Variants in AHCTF1 observed in about 807,000 individuals in gnomAD.
AHCTF1 encodes protein ELYS.
AHCTF1 carries 24 observed loss-of-function variants against 248.4 expected under a neutral mutation model. The ratio of observed to expected loss-of-function variants is 0.10; its 90% CI spans 0.07 to 0.14. The LOEUF (loss-of-function observed/expected upper bound fraction) is 0.14. Among genes scored for constraint, AHCTF1 ranks in the 10% least tolerant of loss-of-function variants. The pLI, the probability that AHCTF1 is intolerant of heterozygous loss-of-function variation, is 1.00. For missense variants in AHCTF1, 2,206 were observed against 2,636.2 expected, an observed-to-expected ratio of 0.84 and a Z score of 3.57; for synonymous variants, 786 against 929.8, an observed-to-expected ratio of 0.85 and a Z score of 2.81.
rs12126008 is a variant in AHCTF1 at position 246,927,794 on chromosome 1, A to G, written c.-8+3784T>C. 5.2e-3 allele frequency among the ~76,000 whole-genome samples: 786 copies of G among 152,186 alleles called. 2 individuals carry two copies. The highest frequency in any genetic ancestry group is 7.7e-3 in the Non-Finnish European group (527 of 68,010). On this transcript the variant is annotated intron_variant, in intron 1 of 35. Transcript: ENST00000648844. ...CCGAGGCTGGCGGATCACAAGGTCAAGAGACCCAGACCATCCTGGCCAACA... is the reference window on the plus strand; with the variant it reads ...CCGAGGCTGGCGGATCACAAGGTCAGGAGACCCAGACCATCCTGGCCAACA...
At chr1:246,859,149 T>C (rs1661333434) in intron 29 of AHCTF1, among the ~76,000 whole-genome samples, 1 of 152,348 alleles carries the variant, frequency 6.6e-6, no homozygotes. Flanking sequence ...TAATTAATAA[T>C]GCCCATGCTT....
At chr1:246,868,637 C>A (rs892136269) in intron 24 of AHCTF1, among the ~76,000 whole-genome samples, 1 of 147,728 alleles carries the variant, frequency 6.8e-6, no homozygotes, top group African/African-American at 2.5e-5. Flanking sequence ...AAAAGTTATT[C>A]TTTGTGTTTT....
At chr1:246,880,947 G>A (rs1663356379) in intron 21 of AHCTF1, among the ~76,000 whole-genome samples, 2 of 152,152 alleles carry the variant, frequency 1.3e-5, no homozygotes, top group South Asian at 4.1e-4. Flanking sequence ...ATTTTAATAA[G>A]GAATGCATGG....
intron 11 of AHCTF1, 88 bp from the exon 12 acceptor site, chr1:246,898,424 T>A: frequency 1.5e-6 from 2 of 1,355,306 alleles, no homozygotes; most frequent in Middle Eastern, 2.4e-4. Context: ...AAAATTTAAG[T>A]AAAATTTAAA....
intron 34 of AHCTF1, among the ~76,000 whole-genome samples, chr1:246,843,403 A>G (rs533017761): frequency 6.6e-6 from 1 of 152,370 alleles, no homozygotes; most frequent in Admixed American, 6.5e-5. Flanking sequence ...CTCATGGCAG[A>G]TAATTCAATA....
chr1:246,895,393 A>C (rs1212032634), intron 13 of AHCTF1, among the ~76,000 whole-genome samples: 1 of 152,214 alleles, frequency 6.6e-6, no homozygotes, highest in African/African-American at 2.4e-5. Flanking sequence ...GGTTCTGAAC[A>C]GACAATATGC....
Position 246,905,545 on chromosome 1 carries a change from CT to C in AHCTF1, c.876del (p.Asp293IlefsTer7). 2 of 1,610,304 alleles carry C rather than the reference CT, an allele frequency of 1.2e-6. No individual in the cohort carries two copies. The highest frequency in any genetic ancestry group is 1.7e-6 in the Non-Finnish European group (2 of 1,178,370). The stretch of plus-strand genomic sequence containing the variant: ...CAAAGTTTGTATGAGACCTACCTAT[CT>C]TGTGTAGACTGAACAGCCCACAAGT... ...CCYLWAVQST[Q>X]DSEGDVLSLH... On this transcript the variant is annotated frameshift_variant, in exon 6 of 36. Transcript: ENST00000648844. LOFTEE classifies it high-confidence loss of function.
chr1:246,900,988 A>T (rs541331381), intron 8 of AHCTF1, among the ~76,000 whole-genome samples: 1 of 152,278 alleles, frequency 6.6e-6, no homozygotes, highest in African/African-American at 2.4e-5. Context: ...CATCAACAGG[A>T]GAAGAAGAAA....
chr1:246,851,392 C>T lies in AHCTF1; in HGVS notation c.4614G>A (p.Arg1538=). 1 of 1,613,386 alleles carries T rather than the reference C, an allele frequency of 6.2e-7. No individual in the cohort carries two copies. The highest frequency in any genetic ancestry group is 8.5e-7 in the Non-Finnish European group (1 of 1,179,582). ...LEAQDSGEEA[R]NLSFNELYPS... is the part of the protein sequence containing the mutation. ...GATATAACTCATTAAATGAAAGATTCCTAGCCTCTTCTCCTGAATCTTGAG... is the reference window on the plus strand; with the variant it reads ...GATATAACTCATTAAATGAAAGATTTCTAGCCTCTTCTCCTGAATCTTGAG... Residue 1538 remains arginine (R), a synonymous_variant, in exon 33 of 36, where the codon AGG becomes AGA. Transcript: ENST00000648844.
chr1:246,899,225 G>C (rs906815446), intron 11 of AHCTF1, among the ~76,000 whole-genome samples: 1 of 151,868 alleles, frequency 6.6e-6, no homozygotes, highest in South Asian at 2.1e-4. Flanking sequence ...TGAGGTTCAC[G>C]TAGCTAGCAT....
chr1:246,914,314 C>T (rs556560775), intron 3 of AHCTF1, among the ~76,000 whole-genome samples: 1 of 152,262 alleles, frequency 6.6e-6, no homozygotes, highest in South Asian at 2.1e-4. Context: ...GCATTTTGGA[C>T]AGGGGATTCT....
rs765328409 is a variant in AHCTF1 at position 246,931,146 on chromosome 1, G to C, written c.-8+432C>G. On this transcript the variant is annotated intron_variant, in intron 1 of 35. Transcript: ENST00000648844. The stretch of plus-strand genomic sequence containing the variant: ...CTACTCACTGTGGCCAGGCCCAAGC[G>C]CATGTGGAACACACGCCAACACAGG... 61 of 1,549,952 alleles carry C rather than the reference G, an allele frequency of 3.9e-5. 1 individual carries two copies. The South Asian group carries it at 5.0e-4, about 13-fold the overall frequency.
rs995531969 is a variant in AHCTF1, at chr1:246,888,215, G to A, written c.2287C>T (p.Leu763=). Residue 763 remains leucine (L), a synonymous_variant, in exon 19 of 36, where the codon CTA becomes TTA. Transcript: ENST00000648844. ...GCTGCTTCAGTAACGCCGTCTAATA[G>A]GTACATATCAAGTACTGCCTATAAA... ...ASLHAVLDMY[L]LDGVTEAAKH... is the part of the protein sequence containing the mutation. The A allele has an allele frequency of 1.2e-6, 2 of 1,614,018 alleles. No homozygotes were observed. Among genetic ancestry groups the A allele is most frequent in the East Asian group, 2.2e-5 (1 of 44,866 alleles).
At chr1:246,847,112 C>G (rs1384299268) in intron 33 of AHCTF1, among the ~76,000 whole-genome samples, 4 of 151,964 alleles carry the variant, frequency 2.6e-5, no homozygotes, top group Non-Finnish European at 5.9e-5. Flanking sequence ...CATGGCGAAA[C>G]CCTGTCTCTA....
intron 21 of AHCTF1, among the ~76,000 whole-genome samples, chr1:246,877,563 A>C (rs1019115746): frequency 1.3e-5 from 2 of 152,160 alleles, no homozygotes; most frequent in African/African-American, 2.4e-5. Flanking sequence ...AATTCAAAGA[A>C]GACAAAAAAC....
In AHCTF1 at chr1:246,890,046, C is replaced by G; in HGVS notation, c.2064G>C (p.Gln688His). 1.2e-6 allele frequency: 2 copies of G among 1,611,278 alleles called. No homozygotes were observed. The highest frequency in any genetic ancestry group is 1.7e-5 in the Admixed American group (1 of 59,880). The stretch of plus-strand genomic sequence containing the variant: ...GGTAGTTGTAGCATAACCTTGACAA[C>G]TGCACAGAATCATCTAGATTTTTAA... ...LLPEGIDDSV[Q>H]LSRLCYNYPV... Residue 688 changes from glutamine to histidine, a missense_variant, in exon 17 of 36, where the codon CAG becomes CAC. Physicochemically the swap from Gln to His is conservative, Grantham distance 24. This residue lies in a region of AHCTF1 where 650 missense variants were observed against 870.8 expected (regional missense o/e 0.75). Transcript: ENST00000648844.
Position 246,900,426 on chromosome 1 carries a change from C to G in AHCTF1, c.1161G>C (p.Val387=), listed in dbSNP as rs1275125234. ...DTSVSVFTWQ[V]NIYGQGKPSV... ...AAGGCTTTCCCTGTCCATATATATT[C>G]ACCTGCCAGGTAAAGACTGAAACAC... Residue 387 remains valine (V), a synonymous_variant, in exon 9 of 36, where the codon GTG becomes GTC. Transcript: ENST00000648844. 1.9e-6 allele frequency: 3 copies of G among 1,597,586 alleles called. No individual in the cohort carries two copies. The highest frequency in any genetic ancestry group is 1.4e-5 in the African/African-American group (1 of 73,666).
intron 28 of AHCTF1, among the ~76,000 whole-genome samples, chr1:246,861,655 A>G (rs921879855): frequency 1.3e-5 from 2 of 152,198 alleles, no homozygotes; most frequent in African/African-American, 2.4e-5. Flanking sequence ...AAGATAAAAG[A>G]AGGACTAAAA....
rs1414602872 is a variant in AHCTF1, at chr1:246,907,747, G to C, written c.568C>G (p.Leu190Val). ...GGTACTTCAGCTGGGATACCAGTTA[G>C]AACTTCAAGATCTAAAACCACAAAT... is the stretch of plus-strand genomic sequence containing the variant. ...NEVEASDLEV[L>V]TGIPAEVPHI... The change falls in exon 5 of 36, where the codon CTA (leucine) becomes GTA (valine). Residue 190 changes from leucine to valine, a missense_variant. Physicochemically the swap from Leu to Val is conservative, Grantham distance 32. Coordinates refer to ENST00000648844, the MANE Select transcript of AHCTF1 (RefSeq NM_001323342.2). 1.2e-6 allele frequency: 2 copies of C among 1,612,242 alleles called. No individual in the cohort carries two copies. The highest frequency in any genetic ancestry group is 2.7e-5 in the African/African-American group (2 of 74,858).
Sources: gnomAD v4.1 joint callset for allele counts (sites outside exome capture counted in the v4.1 genomes callset) on GRCh38, gnomAD v4.1.1 for gene constraint, gnomAD v4.1.1 regional missense constraint, MANE v1.5 for transcripts, NCBI Gene and HGNC (gene_info 2026-07-23, HGNC 2026-07-21) for gene names.